The following SDK1 variants were observed in gnomAD, a reference collection of about 807,000 sequenced individuals.
SDK1 encodes sidekick cell adhesion molecule 1, also known as protein sidekick-1.
Under a neutral mutation model 245.5 loss-of-function variants are expected in SDK1, and 157 were observed. The observed-to-expected ratio is 0.64, with a 90% CI of 0.56 to 0.73. SDK1 has a LOEUF of 0.73. SDK1 is among the 30% of genes least tolerant of loss of function. SDK1 has a pLI of 0.00. For synonymous variants in SDK1, 1,647 were observed against 1,278.5 expected, an observed-to-expected ratio of 1.29 and a Z score of -6.15; for missense variants, 3,583 against 3,002.3, an observed-to-expected ratio of 1.19 and a Z score of -4.52.
intron 4 of SDK1, 27 bp downstream of exon 4, chr7:3,642,132 C>G (rs375576148): frequency 6.2e-7 from 1 of 1,609,278 alleles, no homozygotes; most frequent in Non-Finnish European, 8.5e-7. Context: ...GTTAAAGCTT[C>G]AAATACAATT....
At chr7:4,231,442 GC>G (rs1045575799) in intron 40 of SDK1, among the ~76,000 whole-genome samples, 33 of 151,942 alleles carry the variant, frequency 2.2e-4, no homozygotes, top group Admixed American at 6.5e-4. Flanking sequence ...GCGTGGTGGC[GC>G]ATGCCTGTAG....
intron 1 of SDK1, among the ~76,000 whole-genome samples, chr7:3,443,312 G>C (rs1195110799): frequency 2.6e-5 from 4 of 152,036 alleles, no homozygotes; most frequent in Non-Finnish European, 5.9e-5. Flanking sequence ...TTTAGAATAG[G>C]AATAAGGTAA....
intron 1 of SDK1, among the ~76,000 whole-genome samples, chr7:3,547,306 C>A (rs1266152185): frequency 6.6e-6 from 1 of 152,034 alleles, no homozygotes; most frequent in African/African-American, 2.4e-5. Context: ...AAAATATGAA[C>A]TAACTGTATT....
At chr7:3,834,732 C>A (rs927394733) in intron 5 of SDK1, among the ~76,000 whole-genome samples, 6 of 152,144 alleles carry the variant, frequency 3.9e-5, no homozygotes, top group Non-Finnish European at 8.8e-5. Context: ...ACGTAAGTTC[C>A]GCGAGGATAG....
At chr7:4,259,655 T>G (rs138815485) in intron 44 of SDK1, among the ~76,000 whole-genome samples, 150 of 152,310 alleles carry the variant, frequency 9.8e-4, no homozygotes, top group African/African-American at 3.4e-3. Context: ...TGAATAGCCC[T>G]ACATCAGCTC....
chr7:3,918,176 T>A (rs906686949), intron 5 of SDK1, among the ~76,000 whole-genome samples: 11 of 152,194 alleles, frequency 7.2e-5, no homozygotes, highest in African/African-American at 2.6e-4. Context: ...CCACGTGTCT[T>A]CCCTCTCAAC....
intron 2 of SDK1, among the ~76,000 whole-genome samples, chr7:3,627,583 C>G (rs907662787): frequency 2.6e-5 from 4 of 152,190 alleles, no homozygotes; most frequent in African/African-American, 4.8e-5. Flanking sequence ...TTGTGTCGCA[C>G]TGAGGGCTCA....
intron 1 of SDK1, among the ~76,000 whole-genome samples, chr7:3,546,137 C>A (rs1022772720): frequency 2.0e-5 from 3 of 152,192 alleles, no homozygotes; most frequent in African/African-American, 7.2e-5. Flanking sequence ...GGGCCCCACT[C>A]CCAGAGTGTG....
At chr7:4,116,503 A>C (rs1168276342) in intron 25 of SDK1, among the ~76,000 whole-genome samples, 1 of 152,136 alleles carries the variant, frequency 6.6e-6, no homozygotes, top group Non-Finnish European at 1.5e-5. Context: ...TTTCTTGCTC[A>C]TTCCCCGGGT....
At chr7:4,123,947 C>T (rs1336031858) in intron 25 of SDK1, among the ~76,000 whole-genome samples, 1 of 152,208 alleles carries the variant, frequency 6.6e-6, no homozygotes, top group South Asian at 2.1e-4. Flanking sequence ...CATCCCAGGC[C>T]TTTGCTCTGC....
At position 4,114,104 on chromosome 7, in the gene SDK1, C is replaced by T. The variant is rs1219908231; in HGVS notation, c.3653C>T (p.Ser1218Leu). The T allele has an allele frequency of 4.3e-6, 7 of 1,614,218 alleles. No homozygotes were observed. In the East Asian group the frequency reaches 8.9e-5, roughly 21 times the overall value. ...SVGYRIKYWR[S>L]DLQSSAVAQV... Reference sequence around the variant, plus strand: ...GGCTACAGGATTAAGTACTGGCGCTCAGACCTCCAGTCCTCAGCAGTGGCC... The same window carrying T: ...GGCTACAGGATTAAGTACTGGCGCTTAGACCTCCAGTCCTCAGCAGTGGCC... Residue 1218 changes from serine to leucine, a missense_variant, in exon 25 of 45, where the codon TCA (serine) becomes TTA (leucine). By Grantham distance (145) the Ser-to-Leu change is moderately radical. Coordinates refer to ENST00000404826, the MANE Select transcript of SDK1 (RefSeq NM_152744.4).
intron 14 of SDK1, 113 bp downstream of exon 14, chr7:3,987,435 G>C: frequency 8.9e-7 from 1 of 1,117,736 alleles, no homozygotes; most frequent in Non-Finnish European, 1.3e-6. Context: ...CTAAAATGCT[G>C]TAATGCTTTA....
intron 35 of SDK1, among the ~76,000 whole-genome samples, chr7:4,198,033 C>T (rs1054621216): frequency 3.9e-5 from 6 of 152,204 alleles, no homozygotes; most frequent in South Asian, 2.1e-4. Context: ...TCTAAGGCAG[C>T]GAGGCCCTGT....
At chr7:3,740,782 G>C (rs1020471745) in intron 4 of SDK1, among the ~76,000 whole-genome samples, 21 of 152,158 alleles carry the variant, frequency 1.4e-4, no homozygotes, top group African/African-American at 3.6e-4. Context: ...GCAAGCCTTT[G>C]ATTAATTTTT....
At chr7:3,353,082 T>C (rs1780702778) in intron 1 of SDK1, among the ~76,000 whole-genome samples, 1 of 152,210 alleles carries the variant, frequency 6.6e-6, no homozygotes, top group Non-Finnish European at 1.5e-5. Context: ...ATTATCCCAA[T>C]TTAGCTTTTT....
chr7:3,855,048 C>T (rs1168659265), intron 5 of SDK1, among the ~76,000 whole-genome samples: 1 of 152,006 alleles, frequency 6.6e-6, no homozygotes, highest in Non-Finnish European at 1.5e-5. Flanking sequence ...ATTTGCCTGC[C>T]CACTTGTGAC....
chr7:3,948,931 A>G (rs1401598017), intron 5 of SDK1, among the ~76,000 whole-genome samples: 2 of 152,044 alleles, frequency 1.3e-5, no homozygotes, highest in African/African-American at 2.4e-5. Context: ...ACTTCACATA[A>G]CTATTTGCAA....
Position 3,600,642 on chromosome 7 carries a change from G to A in SDK1, c.299-18438G>A, listed in dbSNP as rs538474573. ...CAATCTTGGCTTACTGCAAGCTCCC[G>A]GGTTCACGCCATTCTCCTACCTCAG... On this transcript the variant is annotated intron_variant, in intron 1 of 44. Transcript: ENST00000404826. 2.8e-3 allele frequency among the ~76,000 whole-genome samples: 395 copies of A among 142,850 alleles called. 3 individuals are homozygous for A. The highest frequency in any genetic ancestry group is 9.9e-3 in the African/African-American group (376 of 38,156). 93.7% of individuals were successfully genotyped at this position (142,850 alleles called of 152,430 possible).
At chr7:3,748,507 T>C (rs1779688949) in intron 4 of SDK1, among the ~76,000 whole-genome samples, 1 of 152,224 alleles carries the variant, frequency 6.6e-6, no homozygotes, top group South Asian at 2.1e-4. Context: ...TGAGGTCTCC[T>C]TCACTGTGTA....
Sources: allele counts gnomAD v4.1 joint callset (sites outside exome capture counted in the v4.1 genomes callset), GRCh38; gene constraint gnomAD v4.1.1; transcripts MANE v1.5; gene names NCBI Gene and HGNC (gene_info 2026-07-23, HGNC 2026-07-21).